Variants in SLC35F3 observed in about 807,000 individuals in gnomAD.
The protein encoded by SLC35F3 is solute carrier family 35 member F3, also known as putative thiamine transporter SLC35F3.
SLC35F3 carries 25 observed loss-of-function variants against 49.9 expected under a neutral mutation model. The observed-to-expected ratio is 0.50, with a 90% CI of 0.37 to 0.70. The LOEUF (loss-of-function observed/expected upper bound fraction) is 0.70. Ranked by LOEUF, SLC35F3 falls within the 30% of genes least tolerant of loss-of-function variation. SLC35F3 has a pLI of 0.00. For synonymous variants in SLC35F3, 275 were observed against 265.4 expected (o/e 1.04, Z -0.35); for missense variants, 525 against 639.8 (o/e 0.82, Z 1.94).
chr1:234,245,730 C>T (rs1311366034), intron 3 of SLC35F3, among the ~76,000 whole-genome samples: 2 of 152,170 alleles, frequency 1.3e-5, no homozygotes, highest in African/African-American at 4.8e-5. Flanking sequence ...TTGTCATGGG[C>T]CACCTAAGCT....
rs925316890 is a variant in SLC35F3 at position 234,226,950 on chromosome 1, C to T, written c.284-4467C>T. ...AGAACACTCCCCCTGCACTGGCGTG[C>T]GCGCACGCGTGCACACACACACACA... On this transcript the variant is annotated intron_variant, in intron 2 of 7. Transcript: ENST00000366618. Among the ~76,000 whole-genome samples, 47 of 135,264 alleles carry T rather than the reference C, an allele frequency of 3.5e-4. 1 individual carries two copies. Among genetic ancestry groups the T allele is most frequent in the Admixed American group, 2.0e-3 (25 of 12,740 alleles). 88.7% of individuals were successfully genotyped at this position (135,264 alleles called of 152,430 possible).
chr1:234,187,796 G>C (rs1025373530), intron 2 of SLC35F3, among the ~76,000 whole-genome samples: 1 of 152,148 alleles, frequency 6.6e-6, no homozygotes, highest in Non-Finnish European at 1.5e-5. Context: ...GTCTCACAGG[G>C]GTCCCTGGGG....
chr1:234,229,861 G>A (rs573677596), intron 2 of SLC35F3, among the ~76,000 whole-genome samples: 1 of 152,194 alleles, frequency 6.6e-6, no homozygotes, highest in South Asian at 2.1e-4. Flanking sequence ...GGAAATTCAC[G>A]GTGAGGAAAG....
chr1:233,957,302 G>A lies in SLC35F3; in HGVS notation c.283+51544G>A, dbSNP rs1005697242. On this transcript the variant is annotated intron_variant, in intron 2 of 7. Coordinates refer to ENST00000366618, the MANE Select transcript of SLC35F3 (RefSeq NM_173508.4). This position sits in a 1 kb window ranked among gnomAD's most constrained non-coding sequence, Gnocchi z 4.0. The stretch of plus-strand genomic sequence containing the variant: ...TAAAGGAATCTGAACCATAACAAAG[G>A]TAGGAGGAATGGCTGGAGGAAGCGA... 3.3e-5 allele frequency among the ~76,000 whole-genome samples: 5 copies of A among 152,186 alleles called. No individual in the cohort carries two copies. The highest frequency in any genetic ancestry group is 9.7e-5 in the African/African-American group (4 of 41,446).
In SLC35F3 at chr1:233,905,562, G is replaced by A. The variant is rs750181555; in HGVS notation, c.87G>A (p.Arg29=). The change falls in exon 2 of 8, where the codon CGG becomes CGA. Residue 29 remains arginine, a synonymous_variant. Transcript: ENST00000366618. ...GMRRSPDVSP[R]RLSDISPQLR... is the part of the protein sequence containing the mutation. ...GGAGGTCACCGGACGTCAGCCCCCG[G>A]AGACTGTCCGACATCAGCCCCCAGC... 6.2e-7 allele frequency: 1 copy of A among 1,614,064 alleles called. No individual in the cohort carries two copies.
chr1:233,911,776 A>G (rs1050447691), intron 2 of SLC35F3, among the ~76,000 whole-genome samples: 10 of 152,190 alleles, frequency 6.6e-5, no homozygotes, highest in Admixed American at 1.3e-4. Context: ...CAACTAGAGC[A>G]GGTGAAATCT....
chr1:234,157,131 A>T (rs1666166515), intron 2 of SLC35F3, among the ~76,000 whole-genome samples: 1 of 152,214 alleles, frequency 6.6e-6, no homozygotes, highest in South Asian at 2.1e-4. Context: ...TTATATCTCA[A>T]TAAAACTGTA....
chr1:234,086,353 G>A (rs1664960717), intron 2 of SLC35F3, among the ~76,000 whole-genome samples: 1 of 152,222 alleles, frequency 6.6e-6, no homozygotes, highest in Non-Finnish European at 1.5e-5. Flanking sequence ...GGCTATGAGT[G>A]ACATTCCTGG....
intron 3 of SLC35F3, among the ~76,000 whole-genome samples, chr1:234,262,312 C>G (rs1667917839): frequency 6.6e-6 from 1 of 152,214 alleles, no homozygotes; most frequent in African/African-American, 2.4e-5. Flanking sequence ...GATATTTCTT[C>G]TTGTGAGCCT....
intron 2 of SLC35F3, among the ~76,000 whole-genome samples, chr1:234,073,175 G>T (rs1162157962): frequency 6.6e-6 from 1 of 152,132 alleles, no homozygotes; most frequent in Admixed American, 6.6e-5. Context: ...ATAGGGTCTT[G>T]CTGTGTCACC....
intron 2 of SLC35F3, among the ~76,000 whole-genome samples, chr1:234,033,755 T>C (rs1376581186): frequency 2.0e-5 from 3 of 152,196 alleles, no homozygotes; most frequent in Non-Finnish European, 4.4e-5. Context: ...TCAGTGACTA[T>C]AGTAGCCTTA....
chr1:233,908,497 G>A (rs973086255), intron 2 of SLC35F3, among the ~76,000 whole-genome samples: 19 of 149,556 alleles, frequency 1.3e-4, no homozygotes, highest in Admixed American at 6.7e-5. Flanking sequence ...ATTTGGATTC[G>A]CAAGTTTCGC....
In SLC35F3 at chr1:234,262,240, G is replaced by A. The variant is rs191214537; in HGVS notation, c.608+30499G>A. ...AGTAATTATCAGTGAGAAGGATAAC[G>A]TTGGACTAGCAGGGGGAGAGCCCTG... On this transcript the variant is annotated intron_variant, in intron 3 of 7. Coordinates refer to ENST00000366618, the MANE Select transcript of SLC35F3 (RefSeq NM_173508.4). 1.3e-3 allele frequency among the ~76,000 whole-genome samples: 198 copies of A among 152,144 alleles called. 2 individuals carry two copies. The highest frequency in any genetic ancestry group is 2.3e-3 in the Non-Finnish European group (155 of 67,980).
At chr1:234,228,344 G>A (rs745727464) in intron 2 of SLC35F3, among the ~76,000 whole-genome samples, 7 of 152,090 alleles carry the variant, frequency 4.6e-5, no homozygotes, top group Non-Finnish European at 7.4e-5. Context: ...AATGCACACT[G>A]GCCACGCTCT....
intron 3 of SLC35F3, among the ~76,000 whole-genome samples, chr1:234,264,591 T>C (rs918249760): frequency 5.9e-5 from 9 of 152,200 alleles, no homozygotes; most frequent in African/African-American, 2.2e-4. Flanking sequence ...CTGTTACCCA[T>C]GCTGGAGTGG....
At chr1:233,992,546 G>T (rs1393050337) in intron 2 of SLC35F3, among the ~76,000 whole-genome samples, 1 of 152,134 alleles carries the variant, frequency 6.6e-6, no homozygotes, top group Admixed American at 6.5e-5. Flanking sequence ...ATGCAGTCTT[G>T]CAAAAGAGAG....
chr1:234,246,666 A>T (rs10910395), intron 3 of SLC35F3, among the ~76,000 whole-genome samples: 15,280 of 152,272 alleles, frequency 0.1, 1,840 homozygotes, highest in East Asian at 0.67. Context: ...CACTGACAAC[A>T]CAGTCATGTA....
chr1:234,140,609 A>G (rs1665900691), intron 2 of SLC35F3, among the ~76,000 whole-genome samples: 1 of 152,092 alleles, frequency 6.6e-6, no homozygotes, highest in South Asian at 2.1e-4. Context: ...CATTCAATCT[A>G]GACGCTTAGG....
At chr1:234,093,518 T>C (rs1310145165) in intron 2 of SLC35F3, among the ~76,000 whole-genome samples, 2 of 152,210 alleles carry the variant, frequency 1.3e-5, no homozygotes, top group African/African-American at 4.8e-5. Flanking sequence ...GACCAAGGCC[T>C]TTTCTTCCTA....
Sources: allele counts gnomAD v4.1 joint callset (sites outside exome capture counted in the v4.1 genomes callset), GRCh38; gene constraint gnomAD v4.1.1; non-coding constraint Gnocchi (gnomAD v3.1); transcripts MANE v1.5; gene names NCBI Gene and HGNC (gene_info 2026-07-23, HGNC 2026-07-21).